Variants in RBM6 observed in about 807,000 individuals in gnomAD.
The protein encoded by RBM6 is RNA-binding protein 6.
Under a neutral mutation model 140.4 loss-of-function variants are expected in RBM6, and 23 were observed. The observed-to-expected ratio is 0.16, with a 90% CI of 0.12 to 0.23. The LOEUF (loss-of-function observed/expected upper bound fraction) is 0.23, where lower values mean the gene tolerates loss of function less well. Among genes scored for constraint, RBM6 ranks in the 10% least tolerant of loss-of-function variants. The pLI is 1.00. For synonymous variants in RBM6, 439 were observed against 475.6 expected (o/e 0.92, Z 1.00); for missense variants, 1,139 against 1,386.7 (o/e 0.82, Z 2.84).
chr3:50,041,098 C>CA (rs1559621138), intron 6 of RBM6, among the ~76,000 whole-genome samples: 1 of 152,144 alleles, frequency 6.6e-6, no homozygotes, highest in African/African-American at 2.4e-5. Flanking sequence ...TAGTCTAAAA[C>CA]GTTTGCTGTC....
At chr3:50,044,690 G>C (rs1194624558) in intron 6 of RBM6, among the ~76,000 whole-genome samples, 1 of 152,142 alleles carries the variant, frequency 6.6e-6, no homozygotes, top group Non-Finnish European at 1.5e-5. Context: ...TGACAGGTCT[G>C]TTTTCTGAAA....
intron 6 of RBM6, among the ~76,000 whole-genome samples, chr3:50,026,537 G>A (rs1229317761): frequency 2.7e-5 from 4 of 150,530 alleles, no homozygotes; most frequent in Admixed American, 1.3e-4. Context: ...GCACCACCAC[G>A]TCTGGCTAAT....
At chr3:50,028,366 T>C (rs1036743618) in intron 6 of RBM6, among the ~76,000 whole-genome samples, 12 of 152,222 alleles carry the variant, frequency 7.9e-5, no homozygotes, top group Admixed American at 2.0e-4. Context: ...TGCAGAGCAA[T>C]GCAGGATATG....
chr3:50,013,058 T>C (rs1452072889), intron 6 of RBM6, among the ~76,000 whole-genome samples: 1 of 152,194 alleles, frequency 6.6e-6, no homozygotes, highest in African/African-American at 2.4e-5. Flanking sequence ...AGATTCTTCT[T>C]AGCACATTTG....
intron 10 of RBM6, 97 bp from the exon 11 acceptor site, chr3:50,059,552 G>A (rs779676482): frequency 5.1e-6 from 5 of 988,710 alleles, no homozygotes; most frequent in African/African-American, 1.6e-5. Context: ...CCTCTGAGAA[G>A]GAAAATCCAC....
intron 7 of RBM6, among the ~76,000 whole-genome samples, chr3:50,048,935 T>C (rs1170320344): frequency 6.6e-6 from 1 of 151,926 alleles, no homozygotes; most frequent in Non-Finnish European, 1.5e-5. Context: ...CCCGAGTAGC[T>C]GGGATTACAG....
chr3:50,010,385 C>G (rs1002495714), intron 6 of RBM6, among the ~76,000 whole-genome samples: 3 of 151,848 alleles, frequency 2.0e-5, no homozygotes, highest in Non-Finnish European at 2.9e-5. Context: ...ACAAGGGTGG[C>G]CGGGGAGTCG....
At chr3:49,977,820 A>G (rs2085125149) in intron 5 of RBM6, among the ~76,000 whole-genome samples, 1 of 152,174 alleles carries the variant, frequency 6.6e-6, no homozygotes, top group South Asian at 2.1e-4. Context: ...TTACTGTTAA[A>G]AGATCATATG....
chr3:50,041,731 A>G (rs2088932871), intron 6 of RBM6, among the ~76,000 whole-genome samples: 1 of 152,216 alleles, frequency 6.6e-6, no homozygotes. Flanking sequence ...GTGTTTTAAG[A>G]ACAGAAAGCC....
chr3:50,004,524 G>T (rs2086490786), intron 6 of RBM6, among the ~76,000 whole-genome samples: 1 of 149,574 alleles, frequency 6.7e-6, no homozygotes, highest in Non-Finnish European at 1.5e-5. Flanking sequence ...CATTCCCCAG[G>T]CTGGTCTTGA....
chr3:50,010,106 C>T (rs2086772237), intron 6 of RBM6, among the ~76,000 whole-genome samples: 1 of 151,972 alleles, frequency 6.6e-6, no homozygotes, highest in Admixed American at 6.6e-5. Flanking sequence ...AGGCTGCTCT[C>T]GAACTCCTGA....
In RBM6 at chr3:50,019,751, G is replaced by A. The variant is rs139616696; in HGVS notation, c.1557+20238G>A. ...ACCATAAGTGTGATGTTAGCTATAG[G>A]TTTATCAAGTTGAGGAGGTTCCCCT... On this transcript the variant is annotated intron_variant, in intron 6 of 20. Transcript: ENST00000266022. Among the ~76,000 whole-genome samples the A allele has an allele frequency of 7.8e-4, 118 of 152,048 alleles. No individual in the cohort carries two copies. In the Middle Eastern group the frequency reaches 0.01, roughly 13 times the overall value.
rs148706600 is a variant in RBM6, at chr3:49,996,415, C to G, written c.1484-3025C>G. Among the ~76,000 whole-genome samples, 33 of 152,290 alleles carry G rather than the reference C, an allele frequency of 2.2e-4. No homozygotes were observed. The East Asian group carries it at 6.2e-3, about 28-fold the overall frequency. ...TTGTCTCTAACCCTTGAGTTAGATGCAATTTAATTCCAGCCCTTTTTCCCT... is the reference window on the plus strand; with the variant it reads ...TTGTCTCTAACCCTTGAGTTAGATGGAATTTAATTCCAGCCCTTTTTCCCT... On this transcript the variant is annotated intron_variant, in intron 5 of 20. Coordinates refer to ENST00000266022, the MANE Select transcript of RBM6 (RefSeq NM_005777.3).
chr3:49,952,502 G>GTT (rs36056766), intron 1 of RBM6, among the ~76,000 whole-genome samples: 3 of 138,728 alleles, frequency 2.2e-5, no homozygotes, highest in East Asian at 2.1e-4. Flanking sequence ...CTTATCCTTT[G>GTT]TTTTTTTTTT....
intron 6 of RBM6, among the ~76,000 whole-genome samples, chr3:50,045,414 T>C (rs981096880): frequency 2.0e-5 from 3 of 152,210 alleles, no homozygotes; most frequent in African/African-American, 4.8e-5. Context: ...CCAGGGATAG[T>C]TGGCTCTATT....
At chr3:50,040,165 G>A (rs564672918) in intron 6 of RBM6, among the ~76,000 whole-genome samples, 77 of 152,122 alleles carry the variant, frequency 5.1e-4, no homozygotes, top group African/African-American at 1.8e-3. Context: ...TTAAGTTCTC[G>A]GCCGGGTGCC....
At chr3:50,065,204 G>A in intron 16 of RBM6, 78 bp downstream of exon 16, 1 of 1,062,656 alleles carries the variant, frequency 9.4e-7, no homozygotes, top group Non-Finnish European at 1.4e-6. Flanking sequence ...CGCAAAGGCT[G>A]ATGCCTTCCT....
rs967393667 is a variant in RBM6, at chr3:49,947,268, G to T, written c.-67+7043G>T. Among the ~76,000 whole-genome samples the T allele has an allele frequency of 3.9e-5, 4 of 103,176 alleles. No individual in the cohort carries two copies. The East Asian group carries it at 1.1e-3, about 28-fold the overall frequency. 67.7% of individuals were successfully genotyped at this position (103,176 alleles called of 152,430 possible). ...CTCCGTCTCAAAAAAAAAAAGGGGG[G>T]GGGGGGGGGTTTTGAGCTGGGTGTG... On this transcript the variant is annotated intron_variant, in intron 1 of 20. Coordinates refer to ENST00000266022, the MANE Select transcript of RBM6 (RefSeq NM_005777.3).
rs4030422 is a variant in RBM6, at chr3:50,057,587, CAAAAAAAA to C, written c.1694-126_1694-119del. The C allele has an allele frequency of 2.4e-3, 531 of 219,178 alleles. 4 individuals carry two copies. The African/African-American group carries it at 0.028, about 12-fold the overall frequency. The allele number at this position is 219,178 out of a possible 1,614,324, so 13.6% of individuals were successfully genotyped here. ...GGGCAACAAGAGCAAAACTCCGTCT[CAAAAAAAA>C]AAAAAAAAAAAAAAGGCATTCCAGT... On this transcript the variant is annotated intron_variant, in intron 8 of 20. Transcript: ENST00000266022.
Sources: gnomAD v4.1 joint callset for allele counts (sites outside exome capture counted in the v4.1 genomes callset) on GRCh38, gnomAD v4.1.1 for gene constraint, MANE v1.5 for transcripts, NCBI Gene and HGNC (gene_info 2026-07-23, HGNC 2026-07-21) for gene names.